Variants in MMUT observed in about 807,000 individuals in gnomAD.
The protein encoded by MMUT is methylmalonyl-CoA mutase, also known as methylmalonyl-CoA mutase, mitochondrial.
In MMUT, 79 loss-of-function variants were observed where a neutral mutation model predicts 79.9. The ratio of observed to expected loss-of-function variants is 0.99; its 90% CI spans 0.82 to 1.19. The LOEUF (loss-of-function observed/expected upper bound fraction) is 1.19. Ranked by LOEUF, MMUT falls within the 50% of genes most tolerant of loss-of-function variation. MMUT has a pLI of 0.00. For synonymous variants in MMUT, 273 were observed against 295.7 expected, an observed-to-expected ratio of 0.92 and a Z score of 0.79; for missense variants, 860 against 917.2, an observed-to-expected ratio of 0.94 and a Z score of 0.81.
chr6:49,457,323 C>T (rs1426343462), intron 3 of MMUT, among the ~76,000 whole-genome samples: 2 of 152,122 alleles, frequency 1.3e-5, no homozygotes, highest in Non-Finnish European at 2.9e-5. Context: ...TGATATCTTC[C>T]AATTCAGCTT....
rs776621768 is a variant in MMUT at position 49,458,013 on chromosome 6, C to T, written c.431G>A (p.Arg144His). The T allele has an allele frequency of 1.2e-5, 19 of 1,603,432 alleles. No individual in the cohort carries two copies. The highest frequency in any genetic ancestry group is 1.6e-4 in the Middle Eastern group (1 of 6,084). The change falls in exon 3 of 13, where the codon CGT becomes CAT. Residue 144 changes from arginine (R) to histidine (H), a missense_variant. Physicochemically the swap from Arg to His is conservative, Grantham distance 29. Transcript: ENST00000274813. ...LSVAFDLATH[R>H]GYDSDNPRVR... ...TCGAGGGTTGTCTGAATCATAGCCACGATGTGTCGCCAGATCAAAGGCAAC... is the reference window on the plus strand; with the variant it reads ...TCGAGGGTTGTCTGAATCATAGCCATGATGTGTCGCCAGATCAAAGGCAAC...
At chr6:49,461,353 T>C (rs535979222) in intron 1 of MMUT, among the ~76,000 whole-genome samples, 8 of 152,186 alleles carry the variant, frequency 5.3e-5, no homozygotes, top group Non-Finnish European at 7.3e-5. Context: ...GTGTTATGCA[T>C]AGTTTCCCAA....
At chr6:49,456,321 AT>A in intron 3 of MMUT, 84 bp from the exon 4 acceptor site, 2 of 946,910 alleles carry the variant, frequency 2.1e-6, no homozygotes, top group Non-Finnish European at 3.3e-6. Context: ...CATAAACATT[AT>A]TTTAAAATGA....
At chr6:49,457,202 A>G (rs1046585998) in intron 3 of MMUT, among the ~76,000 whole-genome samples, 7 of 152,220 alleles carry the variant, frequency 4.6e-5, no homozygotes, top group African/African-American at 1.7e-4. Flanking sequence ...ATGAAGGAGG[A>G]AAATGTGTCC....
chr6:49,451,590 C>A lies in MMUT; in HGVS notation c.1208G>T (p.Arg403Leu). 3 of 1,614,110 alleles carry A rather than the reference C, an allele frequency of 1.9e-6. No individual in the cohort carries two copies. The highest frequency in any genetic ancestry group is 2.7e-5 in the African/African-American group (2 of 75,030). ...ALGLPTVKSA[R>L]IARNTQIIIQ... is the part of the protein sequence containing the mutation. ...GATGATTTGTGTGTTCCTGGCAATT[C>A]GAGCACTTTTCACAGTTGGCAAACC... The change falls in exon 6 of 13, where the codon CGA becomes CTA. Residue 403 changes from arginine (R) to leucine (L), a missense_variant. Physicochemically the swap from Arg to Leu is moderately radical, Grantham distance 102 (BLOSUM62 -2). Transcript: ENST00000274813.
At chr6:49,438,288 TGTCTAA>T (rs1328643484) in intron 11 of MMUT, among the ~76,000 whole-genome samples, 1 of 151,942 alleles carries the variant, frequency 6.6e-6, no homozygotes, top group Non-Finnish European at 1.5e-5. Flanking sequence ...ACTATTTTCC[TGTCTAA>T]GTCTAATATT....
chr6:49,432,075 G>A (rs1055505756), intron 12 of MMUT, among the ~76,000 whole-genome samples: 6 of 152,048 alleles, frequency 3.9e-5, no homozygotes, highest in Admixed American at 6.6e-5. Flanking sequence ...AAAACACTCC[G>A]CCCATTTTCT....
chr6:49,461,081 T>C (rs973854442), intron 1 of MMUT, among the ~76,000 whole-genome samples: 4 of 152,182 alleles, frequency 2.6e-5, no homozygotes, highest in African/African-American at 9.6e-5. Context: ...AATTACAGCA[T>C]ATACAAATGA....
intron 9 of MMUT, among the ~76,000 whole-genome samples, chr6:49,444,160 G>A (rs554630981): frequency 3.3e-5 from 5 of 152,170 alleles, no homozygotes; most frequent in African/African-American, 1.2e-4. Flanking sequence ...CAATAACAAG[G>A]GAAGGACTGG....
rs199886805 is a variant in MMUT, at chr6:49,444,629, A to G, written c.1676+10T>C. ...AGTCTTTGGAAACCTCCAAACTTAT[A>G]TATCTTCACCTTGCCCGAGATGCAT... On this transcript the variant is annotated intron_variant, in intron 9 of 12. Transcript: ENST00000274813. The G allele has an allele frequency of 4.1e-5, 66 of 1,607,218 alleles. No individual in the cohort carries two copies. The Admixed American group carries it at 4.5e-4, about 11-fold the overall frequency.
chr6:49,441,970 A>G lies in MMUT; in HGVS notation c.1678T>C (p.Cys560Arg), dbSNP rs1767289269. 1 of 1,609,222 alleles carries G rather than the reference A, an allele frequency of 6.2e-7. No individual in the cohort carries two copies. The highest frequency in any genetic ancestry group is 8.5e-7 in the Non-Finnish European group (1 of 1,176,158). Reference protein sequence around the residue: ...ALAVDASRARCTVGEITDALK... With the variant: ...ALAVDASRARRTVGEITDALK... ...GCATCTGTGATTTCTCCCACTGTAC[A>G]TCTGAAACATGAAATGGTGGTTCCA... Residue 560 changes from cysteine to arginine, a missense_variant and splice_region_variant, in exon 10 of 13, where the codon TGT becomes CGT. Transcript: ENST00000274813.
At chr6:49,443,702 T>C (rs964272113) in intron 9 of MMUT, 4 of 343,794 alleles carry the variant, frequency 1.2e-5, no homozygotes, top group Middle Eastern at 4.7e-4. Context: ...TTAAGTGCCA[T>C]ATTCTGTTCC....
rs186152270 is a variant in MMUT at position 49,433,071 on chromosome 6, C to T, written c.2125-1215G>A. Among the ~76,000 whole-genome samples, 260 of 152,282 alleles carry T rather than the reference C, an allele frequency of 1.7e-3. 4 individuals carry two copies. The highest frequency in any genetic ancestry group is 5.9e-3 in the African/African-American group (244 of 41,560). On this transcript the variant is annotated intron_variant, in intron 12 of 12. Transcript: ENST00000274813. ...TTGTCTCCTTCTAGTCTGTGAAATT[C>T]TGAGAGTAGAGATCATGTCCAATCT...
intron 11 of MMUT, 122 bp from the exon 12 acceptor site, chr6:49,435,745 A>C: frequency 9.7e-7 from 1 of 1,032,428 alleles, no homozygotes; most frequent in Non-Finnish European, 1.4e-6. Flanking sequence ...CTTCATGATG[A>C]AGATGCCAAA....
In MMUT at chr6:49,448,156, A is replaced by G. The variant is rs143752594; in HGVS notation, c.1445-371T>C. On this transcript the variant is annotated intron_variant, in intron 7 of 12. Transcript: ENST00000274813. The stretch of plus-strand genomic sequence containing the variant: ...AATATTTTTTTGAATTCAGCCAGTC[A>G]CTTTTAAACAAAAAAAGAACCCTTC... Among the ~76,000 whole-genome samples the G allele has an allele frequency of 5.6e-3, 852 of 152,184 alleles. 28 individuals carry two copies. Among genetic ancestry groups the G allele is most frequent in the Admixed American group, 0.051 (782 of 15,278 alleles).
chr6:49,431,447 CCAT>C lies in MMUT; in HGVS notation c.*278_*280del. 1 of 217,724 alleles carries C rather than the reference CCAT, an allele frequency of 4.6e-6. No individual in the cohort carries two copies. The allele number at this position is 217,724 out of a possible 1,614,324, so 13.5% of individuals were successfully genotyped here. On this transcript the variant is annotated 3_prime_UTR_variant, in exon 13 of 13. Coordinates refer to ENST00000274813, the MANE Select transcript of MMUT (RefSeq NM_000255.4). ...AAGAAACATTCTAATAAATACATCA[CCAT>C]GATTTTTAAAAATAATACCATTGTC...
chr6:49,456,539 G>A (rs1040059314), intron 3 of MMUT, among the ~76,000 whole-genome samples: 1 of 152,184 alleles, frequency 6.6e-6, no homozygotes, highest in African/African-American at 2.4e-5. Flanking sequence ...GGTTAGGAAT[G>A]TAACCTTTGG....
At chr6:49,442,789 G>A (rs1477191328) in intron 9 of MMUT, among the ~76,000 whole-genome samples, 1 of 151,714 alleles carries the variant, frequency 6.6e-6, no homozygotes, top group African/African-American at 2.4e-5. Flanking sequence ...ATAGAAAGAA[G>A]GGCATTAGGA....
In MMUT at chr6:49,456,129, A is replaced by T; in HGVS notation, c.862T>A (p.Ser288Thr). ...AGGCCAGCCTGGAGTCCAGTTCTAG[A>T]GTACTCCAATCCATCTGCTAAAGTA... Reference protein sequence around the residue: ...AYTLADGLEYSRTGLQAGLTI... With the variant: ...AYTLADGLEYTRTGLQAGLTI... The change falls in exon 4 of 13, where the codon TCT becomes ACT. Residue 288 changes from serine (S) to threonine (T), a missense_variant. Transcript: ENST00000274813. 6.2e-7 allele frequency: 1 copy of T among 1,613,370 alleles called. No individual in the cohort carries two copies. The highest frequency in any genetic ancestry group is 8.5e-7 in the Non-Finnish European group (1 of 1,179,336).
Sources: gnomAD v4.1 joint callset for allele counts (sites outside exome capture counted in the v4.1 genomes callset) on GRCh38, gnomAD v4.1.1 for gene constraint, MANE v1.5 for transcripts, NCBI Gene and HGNC (gene_info 2026-07-23, HGNC 2026-07-21) for gene names.